Variants in GALNTL6 observed in about 807,000 individuals in gnomAD.
The protein encoded by GALNTL6 is polypeptide N-acetylgalactosaminyltransferase like 6.
In GALNTL6, 46 loss-of-function variants were observed where a neutral mutation model predicts 73.7. The observed-to-expected ratio is 0.62, with a 90% CI of 0.49 to 0.80. The LOEUF (loss-of-function observed/expected upper bound fraction) is 0.80, where lower values mean the gene tolerates loss of function less well. Ranked by LOEUF, GALNTL6 falls within the 30% of genes least tolerant of loss-of-function variation. GALNTL6 has a pLI of 0.00. For synonymous variants in GALNTL6, 259 were observed against 263.7 expected (o/e 0.98, Z 0.17); for missense variants, 604 against 755.0 (o/e 0.80, Z 2.34).
At chr4:172,627,518 A>T (rs6553639) in intron 5 of GALNTL6, among the ~76,000 whole-genome samples, 5 of 150,632 alleles carry the variant, frequency 3.3e-5, no homozygotes, top group Non-Finnish European at 7.4e-5. Context: ...ATGAGTTGGG[A>T]AGAAATGCCT....
At chr4:172,210,751 A>G (rs1447841460) in intron 2 of GALNTL6, among the ~76,000 whole-genome samples, 3 of 152,132 alleles carry the variant, frequency 2.0e-5, no homozygotes, top group Non-Finnish European at 4.4e-5. Flanking sequence ...GCTAACACTT[A>G]AGGAATAAAG....
At chr4:172,985,756 C>T (rs939267824) in intron 10 of GALNTL6, among the ~76,000 whole-genome samples, 4 of 152,164 alleles carry the variant, frequency 2.6e-5, no homozygotes, top group African/African-American at 4.8e-5. Flanking sequence ...ACCAGATGAG[C>T]CAGTTTACTG....
intron 3 of GALNTL6, among the ~76,000 whole-genome samples, chr4:172,279,201 G>T (rs1230510394): frequency 6.6e-6 from 1 of 151,752 alleles, no homozygotes; most frequent in Non-Finnish European, 1.5e-5. Flanking sequence ...GGCAACAAAA[G>T]AAAAAAATAG....
intron 2 of GALNTL6, among the ~76,000 whole-genome samples, chr4:172,022,635 C>A (rs1055425491): frequency 2.0e-5 from 3 of 151,892 alleles, no homozygotes; most frequent in African/African-American, 4.8e-5. Context: ...CACTATTCAC[C>A]CTTAGATCTC....
chr4:172,438,731 G>A (rs1731726729), intron 5 of GALNTL6, among the ~76,000 whole-genome samples: 2 of 151,762 alleles, frequency 1.3e-5, no homozygotes, highest in African/African-American at 2.4e-5. Context: ...TGAGACATTA[G>A]TGTTGCCTGG....
chr4:172,018,503 T>C (rs1482059330), intron 2 of GALNTL6, among the ~76,000 whole-genome samples: 1 of 151,974 alleles, frequency 6.6e-6, no homozygotes, highest in Non-Finnish European at 1.5e-5. Flanking sequence ...TAGCAGGTAG[T>C]GAAAGGCCTC....
intron 5 of GALNTL6, among the ~76,000 whole-genome samples, chr4:172,408,425 T>C (rs1005235021): frequency 6.6e-6 from 1 of 152,022 alleles, no homozygotes; most frequent in East Asian, 1.9e-4. Context: ...TATATTAGCA[T>C]ATAAGCAAAA....
intron 5 of GALNTL6, among the ~76,000 whole-genome samples, chr4:172,449,133 A>G (rs1034126004): frequency 2.0e-5 from 3 of 152,112 alleles, no homozygotes; most frequent in Non-Finnish European, 1.5e-5. Flanking sequence ...CAATAGTGAA[A>G]ATAGCCTTGC....
intron 5 of GALNTL6, among the ~76,000 whole-genome samples, chr4:172,604,325 T>C (rs111745428): frequency 1.3e-3 from 200 of 152,224 alleles, no homozygotes; most frequent in Non-Finnish European, 2.3e-3. Context: ...TATGACAAAA[T>C]GAATTTTTTT....
intron 5 of GALNTL6, among the ~76,000 whole-genome samples, chr4:172,370,450 C>T (rs954481551): frequency 6.6e-6 from 1 of 151,344 alleles, no homozygotes; most frequent in Non-Finnish European, 1.5e-5. Context: ...GTGGTGAAAC[C>T]CCATCTCTAC....
chr4:172,071,772 G>GTAT, intron 2 of GALNTL6, among the ~76,000 whole-genome samples: 1 of 41,288 alleles, frequency 2.4e-5, no homozygotes, highest in Non-Finnish European at 5.9e-5. Flanking sequence ...GGAAGAGTGG[G>GTAT]AAAGCTTTAT....
At chr4:172,102,695 T>C (rs1235128945) in intron 2 of GALNTL6, among the ~76,000 whole-genome samples, 1 of 152,200 alleles carries the variant, frequency 6.6e-6, no homozygotes, top group Non-Finnish European at 1.5e-5. Context: ...TTAATAATTG[T>C]TTACTGCAAG....
chr4:171,946,939 A>T (rs1738719685), intron 2 of GALNTL6, among the ~76,000 whole-genome samples: 1 of 152,126 alleles, frequency 6.6e-6, no homozygotes. Flanking sequence ...AAAGCTTCTA[A>T]ACAAGGAAGT....
At chr4:173,011,133 CCA>C (rs1238018736) in intron 11 of GALNTL6, among the ~76,000 whole-genome samples, 1 of 152,134 alleles carries the variant, frequency 6.6e-6, no homozygotes, top group Non-Finnish European at 1.5e-5. Flanking sequence ...TTTTCATATG[CCA>C]GTTTGCCATT....
chr4:172,926,901 G>A lies in GALNTL6; in HGVS notation c.1042-4260G>A, dbSNP rs551036253. On this transcript the variant is annotated intron_variant, in intron 8 of 12. Coordinates refer to ENST00000506823, the MANE Select transcript of GALNTL6 (RefSeq NM_001034845.3). ...TCACTAAATTTGATTAAAAATATCA[G>A]AAGAGGCTGAGAAAAAAATGACTGT... is the stretch of plus-strand genomic sequence containing the variant. Among the ~76,000 whole-genome samples the A allele has an allele frequency of 3.3e-4, 50 of 152,238 alleles. No individual in the cohort carries two copies. The South Asian group carries it at 3.9e-3, about 12-fold the overall frequency.
intron 2 of GALNTL6, among the ~76,000 whole-genome samples, chr4:172,218,356 A>T (rs1736561579): frequency 6.6e-6 from 1 of 152,102 alleles, no homozygotes; most frequent in Non-Finnish European, 1.5e-5. Context: ...TTCTTTCCCT[A>T]TGCCAGAACC....
At chr4:172,574,964 A>G in intron 5 of GALNTL6, among the ~76,000 whole-genome samples, 1 of 141,366 alleles carries the variant, frequency 7.1e-6, no homozygotes, top group African/African-American at 2.6e-5. Context: ...ACACACACAC[A>G]CGATTAGAAA....
chr4:172,607,049 G>A (rs1183904688), intron 5 of GALNTL6, among the ~76,000 whole-genome samples: 1 of 151,912 alleles, frequency 6.6e-6, no homozygotes, highest in African/African-American at 2.4e-5. Context: ...AACGTCATGA[G>A]TAGATATTTG....
intron 2 of GALNTL6, among the ~76,000 whole-genome samples, chr4:171,937,030 C>A (rs1040549101): frequency 3.9e-5 from 6 of 152,146 alleles, no homozygotes; most frequent in African/African-American, 1.4e-4. Context: ...AAAATATCTT[C>A]TGGACTCATG....
Sources: gnomAD v4.1 joint callset for allele counts (sites outside exome capture counted in the v4.1 genomes callset) on GRCh38, gnomAD v4.1.1 for gene constraint, MANE v1.5 for transcripts, NCBI Gene and HGNC (gene_info 2026-07-23, HGNC 2026-07-21) for gene names.